RPAP3: variants seen among roughly 807,000 people sequenced by gnomAD.
The protein encoded by RPAP3 is RNA polymerase II associated protein 3.
RPAP3 carries 58 observed loss-of-function variants against 88.8 expected under a neutral mutation model. The ratio of observed to expected loss-of-function variants is 0.65; its 90% CI spans 0.53 to 0.81. The LOEUF is 0.81. Ranked by LOEUF, RPAP3 falls within the 40% of genes least tolerant of loss-of-function variation. RPAP3 has a pLI of 0.00. For missense variants in RPAP3, 751 were observed against 764.3 expected, an observed-to-expected ratio of 0.98 and a Z score of 0.20; for synonymous variants, 255 against 259.9, an observed-to-expected ratio of 0.98 and a Z score of 0.18.
At position 47,661,859 on chromosome 12, in the gene RPAP3, A is replaced by T. The variant is rs1288778750; in HGVS notation, c.*1646T>A. On this transcript the variant is annotated 3_prime_UTR_variant, in exon 17 of 17. Coordinates refer to ENST00000005386, the MANE Select transcript of RPAP3 (RefSeq NM_024604.3). ...AATGACAATAACATTACCTGCCCTG[A>T]CTACCTTGTAAGTTTCTTCAAAGGA... The T allele has an allele frequency of 1.3e-5, 2 of 152,186 alleles. No homozygotes were observed. The highest frequency in any genetic ancestry group is 2.9e-5 in the Non-Finnish European group (2 of 68,042). 9.4% of individuals were successfully genotyped at this position (152,186 alleles called of 1,614,324 possible).
In RPAP3 at chr12:47,686,780, T is replaced by C; in HGVS notation, c.992A>G (p.Lys331Arg). The C allele has an allele frequency of 6.4e-7, 1 of 1,557,478 alleles. No homozygotes were observed. Among genetic ancestry groups the C allele is most frequent in the Non-Finnish European group, 8.7e-7 (1 of 1,155,160 alleles). The change falls in exon 9 of 17, where the codon AAA becomes AGA. Residue 331 changes from lysine to arginine, a missense_variant and splice_region_variant. Physicochemically the swap from Lys to Arg is conservative, Grantham distance 26. Transcript: ENST00000005386. The part of the protein sequence containing the change: ...NRAMAYLKIQ[K>R]YEEAEKDCTQ... ...GCACTAAAATGTAACCAATACTTACTTCTGAATCTTCAGATAGGCCATAGC... is the reference window on the plus strand; with the variant it reads ...GCACTAAAATGTAACCAATACTTACCTCTGAATCTTCAGATAGGCCATAGC...
chr12:47,695,536 A>G (rs909115318), intron 5 of RPAP3, among the ~76,000 whole-genome samples: 1 of 152,126 alleles, frequency 6.6e-6, no homozygotes, highest in African/African-American at 2.4e-5. Flanking sequence ...CTGGTTCTTA[A>G]GTTGAGAGGG....
intron 3 of RPAP3, chr12:47,701,191 T>C (rs1939647528): frequency 8.5e-6 from 2 of 236,126 alleles, no homozygotes; most frequent in African/African-American, 2.3e-5. Flanking sequence ...AAATAAATAG[T>C]AATAAGTAAA....
In RPAP3 at chr12:47,669,075, T is replaced by C. The variant is rs757324598; in HGVS notation, c.1554A>G (p.Val518=). The change falls in exon 14 of 17, where the codon GTA becomes GTG. Residue 518 remains valine (V), a synonymous_variant. Transcript: ENST00000005386. The part of the protein sequence containing the change: ...LQPQASLKQD[V]CQSYSEKMPI... ...GCATTTTCTCGCTGTAAGACTGACA[T>C]ACATCCTGCTTCAAACTGGCTTGAG... 1.2e-6 allele frequency: 2 copies of C among 1,613,772 alleles called. No individual in the cohort carries two copies. Among genetic ancestry groups the C allele is most frequent in the African/African-American group, 2.7e-5 (2 of 75,046 alleles).
intron 3 of RPAP3, among the ~76,000 whole-genome samples, chr12:47,700,819 G>A (rs1045780923): frequency 3.9e-5 from 6 of 152,202 alleles, no homozygotes; most frequent in African/African-American, 1.4e-4. Flanking sequence ...CCAGTCCTAA[G>A]ACTAGACACA....
chr12:47,701,626 C>A, intron 2 of RPAP3, 22 bp from the exon 3 acceptor site: 3 of 1,554,830 alleles, frequency 1.9e-6, no homozygotes, highest in South Asian at 1.2e-5. Flanking sequence ...AAAAAAAACA[C>A]AAAGTTGTGA....
At chr12:47,671,193 C>A (rs1401345450) in intron 12 of RPAP3, among the ~76,000 whole-genome samples, 1 of 152,076 alleles carries the variant, frequency 6.6e-6, no homozygotes, top group Non-Finnish European at 1.5e-5. Context: ...ACTATATCAT[C>A]ATACCAAACA....
chr12:47,688,289 A>G (rs1299969304), intron 7 of RPAP3, among the ~76,000 whole-genome samples: 1 of 151,926 alleles, frequency 6.6e-6, no homozygotes, highest in Non-Finnish European at 1.5e-5. Context: ...GTACACATGG[A>G]CATAAACAGA....
chr12:47,689,810 G>C (rs1428942119), intron 6 of RPAP3, among the ~76,000 whole-genome samples: 1 of 152,174 alleles, frequency 6.6e-6, no homozygotes, highest in Non-Finnish European at 1.5e-5. Context: ...GGGAGGCCGA[G>C]GTGGGCAGAT....
rs989050970 is a variant in RPAP3 at position 47,702,702 on chromosome 12, C to T, written c.139G>A (p.Gly47Ser). Residue 47 changes from glycine (G) to serine (S), a missense_variant, in exon 2 of 17, where the codon GGT becomes AGT. Gly to Ser is a moderately conservative substitution (Grantham distance 56, BLOSUM62 0). Coordinates refer to ENST00000005386, the MANE Select transcript of RPAP3 (RefSeq NM_024604.3). ...TCTTAATTTACCTCTTCAGGAACAC[C>T]ATTCTGTCTTCTTAGTTCCATATCC... ...QKDMELRRQN[G>S]VPEENLPPIR... The T allele has an allele frequency of 6.3e-7, 1 of 1,594,974 alleles. No individual in the cohort carries two copies. Among genetic ancestry groups the T allele is most frequent in the African/African-American group, 1.3e-5 (1 of 74,106 alleles).
chr12:47,697,802 TCA>T, intron 3 of RPAP3, 83 bp from the exon 4 acceptor site: 1 of 1,245,456 alleles, frequency 8.0e-7, no homozygotes, highest in Non-Finnish European at 1.1e-6. Flanking sequence ...AAAAATACAC[TCA>T]AATGAATGTA....
At chr12:47,678,331 A>G (rs1939156913) in intron 12 of RPAP3, among the ~76,000 whole-genome samples, 1 of 152,240 alleles carries the variant, frequency 6.6e-6, no homozygotes, top group African/African-American at 2.4e-5. Context: ...TTCAGGCCAC[A>G]GGCATAGGCA....
chr12:47,687,798 G>C, intron 8 of RPAP3, 78 bp downstream of exon 8: 1 of 1,468,336 alleles, frequency 6.8e-7, no homozygotes, highest in Non-Finnish European at 9.1e-7. Flanking sequence ...AGAGAAGAAA[G>C]AAATTAACTG....
chr12:47,693,811 G>A (rs1358495567), intron 5 of RPAP3, among the ~76,000 whole-genome samples: 3 of 152,162 alleles, frequency 2.0e-5, no homozygotes, highest in Non-Finnish European at 4.4e-5. Flanking sequence ...GACATTGCTG[G>A]AAGTATTACA....
chr12:47,688,172 G>A (rs538373686), intron 7 of RPAP3, among the ~76,000 whole-genome samples, 171 bp from the exon 8 acceptor site: 17 of 152,246 alleles, frequency 1.1e-4, no homozygotes, highest in African/African-American at 4.1e-4. Context: ...AAAGTAAAAA[G>A]TAAAATAAGC....
chr12:47,665,198 T>C (rs1938845244), intron 16 of RPAP3, among the ~76,000 whole-genome samples: 3 of 151,846 alleles, frequency 2.0e-5, no homozygotes, highest in Admixed American at 6.6e-5. Flanking sequence ...ATTCAAGCGA[T>C]TGATTCTCCT....
intron 3 of RPAP3, among the ~76,000 whole-genome samples, chr12:47,700,389 G>A (rs551383008): frequency 2.6e-5 from 4 of 152,232 alleles, no homozygotes; most frequent in African/African-American, 9.6e-5. Context: ...TAGATGGTAG[G>A]CTCATGTATT....
chr12:47,696,793 G>A (rs1347508183), intron 4 of RPAP3, among the ~76,000 whole-genome samples: 3 of 151,886 alleles, frequency 2.0e-5, no homozygotes, highest in Non-Finnish European at 4.4e-5. Context: ...TACATATAAC[G>A]CATAAAATTT....
intron 14 of RPAP3, 76 bp from the exon 15 acceptor site, chr12:47,667,927 T>C (rs1029152907): frequency 3.4e-5 from 32 of 949,208 alleles, no homozygotes; most frequent in Non-Finnish European, 4.8e-5. Context: ...ATTGCTTGGG[T>C]AAAAATAGTA....
Sources: gnomAD v4.1 joint callset for allele counts (sites outside exome capture counted in the v4.1 genomes callset) on GRCh38, gnomAD v4.1.1 for gene constraint, MANE v1.5 for transcripts, NCBI Gene and HGNC (gene_info 2026-07-23, HGNC 2026-07-21) for gene names.